GCKR: variants seen among roughly 807,000 people sequenced by gnomAD.
GCKR encodes glucokinase regulator.
In GCKR, 73 loss-of-function variants were observed where a neutral mutation model predicts 82.9. The ratio of observed to expected loss-of-function variants is 0.88; its 90% CI spans 0.73 to 1.07. GCKR has a LOEUF of 1.07. Among genes scored for constraint, GCKR ranks in the 50% least tolerant of loss-of-function variants. GCKR has a pLI of 0.00. For synonymous variants in GCKR, 294 were observed against 291.8 expected (o/e 1.01, Z -0.08); for missense variants, 784 against 782.1 (o/e 1.00, Z -0.03).
chr2:27,512,404 A>G (rs1048864230), intron 16 of GCKR, among the ~76,000 whole-genome samples: 1 of 150,748 alleles, frequency 6.6e-6, no homozygotes, highest in African/African-American at 2.4e-5. Flanking sequence ...GCATGGTGGC[A>G]CATGCTCATA....
intron 13 of GCKR, 184 bp from the exon 14 acceptor site, chr2:27,507,497 C>T: frequency 2.9e-6 from 2 of 679,164 alleles, no homozygotes; most frequent in Admixed American, 4.5e-5. Context: ...GATCCAGTCC[C>T]CAAACTTGGC....
At chr2:27,514,687 T>A (rs904897345) in intron 16 of GCKR, among the ~76,000 whole-genome samples, 3 of 152,354 alleles carry the variant, frequency 2.0e-5, no homozygotes, top group African/African-American at 7.2e-5. Context: ...TCAATCATGA[T>A]GTAATGAATG....
At chr2:27,517,590 G>C (rs1276326993) in intron 16 of GCKR, among the ~76,000 whole-genome samples, 1 of 152,054 alleles carries the variant, frequency 6.6e-6, no homozygotes, top group Admixed American at 6.6e-5. Flanking sequence ...GGGGATTATG[G>C]GGATTACAAT....
At chr2:27,518,171 G>A (rs1670054511) in intron 16 of GCKR, among the ~76,000 whole-genome samples, 3 of 152,034 alleles carry the variant, frequency 2.0e-5, no homozygotes, top group South Asian at 2.1e-4. Context: ...TCAGCCCCCC[G>A]AGTAGCTGGG....
intron 9 of GCKR, among the ~76,000 whole-genome samples, chr2:27,504,573 C>T (rs1669664245): frequency 1.3e-5 from 2 of 151,762 alleles, no homozygotes; most frequent in African/African-American, 4.8e-5. Flanking sequence ...GTCTCGAACT[C>T]CTGACCTCAG....
intron 10 of GCKR, 43 bp from the exon 11 acceptor site, chr2:27,506,438 G>A (rs1247289539): frequency 1.5e-6 from 2 of 1,297,430 alleles, no homozygotes; most frequent in South Asian, 1.2e-5. Context: ...GCTTTCTGAG[G>A]GGGAATTGGG....
chr2:27,501,562 ATTTG>A, intron 8 of GCKR: 1 of 413,586 alleles, frequency 2.4e-6, no homozygotes, highest in South Asian at 2.1e-5. Flanking sequence ...TACCATAAAG[ATTTG>A]TGCTTTCATA....
rs1347569222 is a variant in GCKR at position 27,522,073 on chromosome 2, A to T, written c.1573-387A>T. Among the ~76,000 whole-genome samples the T allele has an allele frequency of 2.6e-5, 4 of 152,170 alleles. No homozygotes were observed. The East Asian group carries it at 7.7e-4, about 29-fold the overall frequency. ...TGCTGAGCTAGACAGAGAGGAGGGTAGTGACAAAATGGAAGCAGTGTTTGC... is the reference window on the plus strand; with the variant it reads ...TGCTGAGCTAGACAGAGAGGAGGGTTGTGACAAAATGGAAGCAGTGTTTGC... On this transcript the variant is annotated intron_variant, in intron 17 of 18. Transcript: ENST00000264717.
At chr2:27,507,498 C>T (rs757013094) in intron 13 of GCKR, 183 bp from the exon 14 acceptor site, 32 of 679,478 alleles carry the variant, frequency 4.7e-5, no homozygotes, top group African/African-American at 7.1e-5. Flanking sequence ...ATCCAGTCCC[C>T]AAACTTGGCC....
At chr2:27,516,280 C>CTTTTTTTTTTTTTTTTTTTTTT (rs1572873022) in intron 16 of GCKR, among the ~76,000 whole-genome samples, 1 of 88,398 alleles carries the variant, frequency 1.1e-5, no homozygotes. Context: ...GTTCTTCATT[C>CTTTTTTTTTTTTTTTTTTTTTT]TTGTTTTTTT....
chr2:27,505,628 C>T (rs1669708092), intron 9 of GCKR, 90 bp from the exon 10 acceptor site: 1 of 760,690 alleles, frequency 1.3e-6, no homozygotes, highest in Non-Finnish European at 2.4e-6. Flanking sequence ...GCCACTGGTA[C>T]TATCACATGC....
intron 5 of GCKR, 98 bp downstream of exon 5, chr2:27,498,895 T>C: frequency 1.2e-6 from 1 of 806,602 alleles, no homozygotes; most frequent in Non-Finnish European, 2.2e-6. Context: ...GTCTGGCTTG[T>C]CTTAGTCCTC....
intron 9 of GCKR, 147 bp downstream of exon 9, chr2:27,503,766 A>C: frequency 1.5e-6 from 1 of 665,198 alleles, no homozygotes; most frequent in Non-Finnish European, 2.7e-6. Flanking sequence ...TATAAACCAA[A>C]TCCTATTTTC....
At chr2:27,519,498 T>A (rs888022719) in intron 17 of GCKR, among the ~76,000 whole-genome samples, 1 of 152,110 alleles carries the variant, frequency 6.6e-6, no homozygotes, top group Non-Finnish European at 1.5e-5. Context: ...GACAGGGTTT[T>A]GCCATGTTGG....
rs144661986 is a variant in GCKR, at chr2:27,522,468, T to C, written c.1581T>C (p.Ser527=). The part of the protein sequence containing the change: ...WRALAMLQRF[S]GQSKARCIES... ...TACCACTTCTTCCTTAGCGGTTCTCTGGACAGTCCAAGGCTCGATGCATCG... is the reference window on the plus strand; with the variant it reads ...TACCACTTCTTCCTTAGCGGTTCTCCGGACAGTCCAAGGCTCGATGCATCG... Residue 527 remains serine (S), a synonymous_variant, in exon 18 of 19, where the codon TCT becomes TCC. Transcript: ENST00000264717. 4.5e-4 allele frequency: 727 copies of C among 1,614,024 alleles called. 8 individuals are homozygous for C. In the South Asian group the frequency reaches 7.6e-3, roughly 17 times the overall value.
chr2:27,507,288 C>T lies in GCKR; in HGVS notation c.1120C>T (p.Gln374Ter). The T allele has an allele frequency of 1.2e-6, 2 of 1,611,556 alleles. No homozygotes were observed. The highest frequency in any genetic ancestry group is 2.2e-5 in the East Asian group (1 of 44,870). ...TGGTGATCACAGTGACATGTTTAAC[C>T]AGAAGGCTGAGCTCACCAACCAGGT... Reference protein sequence around the residue: ...LIGDHSDMFNQKAELTNQGPQ... With the variant: ...LIGDHSDMFN The change falls in exon 13 of 19, where the codon CAG (glutamine) becomes TAG (stop). Residue 374 changes from glutamine (Q) to a stop codon, truncating the protein, a stop_gained. Transcript: ENST00000264717. LOFTEE classifies it high-confidence loss of function.
chr2:27,505,732 C>T lies in GCKR; in HGVS notation c.765C>T (p.Ser255=), dbSNP rs150583691. ...LNPAIGPEGL[S]GSSRMKGGSA... ...CACCTCTTCAGCCCGAGGGTCTCAG[C>T]GGCTCCTCCCGGATGAAAGGTGGAA... Residue 255 remains serine, a synonymous_variant, in exon 10 of 19, where the codon AGC becomes AGT. Transcript: ENST00000264717. 1.6e-5 allele frequency: 26 copies of T among 1,602,382 alleles called. No homozygotes were observed. The highest frequency in any genetic ancestry group is 2.2e-5 in the East Asian group (1 of 44,834).
chr2:27,503,261 T>C (rs912892362), intron 8 of GCKR, among the ~76,000 whole-genome samples: 8 of 152,234 alleles, frequency 5.3e-5, no homozygotes, highest in African/African-American at 1.9e-4. Context: ...ACAAGATAGT[T>C]TGGGTCTCAG....
intron 16 of GCKR, among the ~76,000 whole-genome samples, chr2:27,510,036 T>C (rs891205719): frequency 6.6e-6 from 1 of 151,186 alleles, no homozygotes; most frequent in Non-Finnish European, 1.5e-5. Context: ...TAAGATGGAG[T>C]CTCGCTCTGT....
Sources: allele counts gnomAD v4.1 joint callset (sites outside exome capture counted in the v4.1 genomes callset), GRCh38; gene constraint gnomAD v4.1.1; transcripts MANE v1.5; gene names NCBI Gene and HGNC (gene_info 2026-07-23, HGNC 2026-07-21).